DST: variants seen among roughly 807,000 people sequenced by gnomAD.
DST encodes the protein dystonin.
A neutral mutation model predicts 875.2 loss-of-function variants in DST; 253 were observed. The ratio of observed to expected loss-of-function variants is 0.29; its 90% confidence interval spans 0.26 to 0.32. The LOEUF (loss-of-function observed/expected upper bound fraction) is 0.32, where lower values mean the gene tolerates loss of function less well. DST is among the 10% of genes least tolerant of loss of function. The pLI is 1.00. For synonymous variants in DST, 3,124 were observed against 3,197.1 expected, an observed-to-expected ratio of 0.98 and a Z score of 0.77; for missense variants, 8,287 against 9,111.6, an observed-to-expected ratio of 0.91 and a Z score of 3.68.
In DST at chr6:56,607,168, T is replaced by C. The variant is rs1166404489; in HGVS notation, c.7460A>G (p.Gln2487Arg). The change falls in exon 40 of 104, where the codon CAA (glutamine) becomes CGA (arginine). Residue 2487 changes from glutamine (Q) to arginine (R), a missense_variant. Gln to Arg is a conservative substitution (Grantham distance 43). This residue lies in a region of DST where 3,138 missense variants were observed against 3,116.6 expected (regional missense o/e 1.01). Coordinates refer to ENST00000680361, the MANE Select transcript of DST (RefSeq NM_001374736.1). Reference protein sequence around the residue: ...LSGQRIGEKFQDQFLGIAAIN... With the variant: ...LSGQRIGEKFRDQFLGIAAIN... Reference sequence around the variant, plus strand: ...AGCTGCAATTCCCAGAAACTGGTCTTGAAATTTTTCTCCTATTCTTTGACC... The same window carrying C: ...AGCTGCAATTCCCAGAAACTGGTCTCGAAATTTTTCTCCTATTCTTTGACC... The C allele has an allele frequency of 2.5e-6, 4 of 1,613,438 alleles. No individual in the cohort carries two copies. Among genetic ancestry groups the C allele is most frequent in the Non-Finnish European group, 3.4e-6 (4 of 1,179,606 alleles).
intron 34 of DST, among the ~76,000 whole-genome samples, 186 bp from the exon 35 acceptor site, chr6:56,625,450 A>C (rs1385198967): frequency 1.3e-5 from 2 of 152,208 alleles, no homozygotes; most frequent in South Asian, 4.1e-4. Flanking sequence ...CGTGTTTCAC[A>C]TGAAACATTT....
chr6:56,811,176 C>A (rs917911054), intron 4 of DST, among the ~76,000 whole-genome samples: 1 of 134,262 alleles, frequency 7.4e-6, no homozygotes, highest in Non-Finnish European at 1.6e-5. Context: ...AGAGCAAGAC[C>A]CTGTCTCAAA....
chr6:56,626,761 A>G (rs533065076), intron 34 of DST, among the ~76,000 whole-genome samples: 1 of 152,236 alleles, frequency 6.6e-6, no homozygotes, highest in South Asian at 2.1e-4. Flanking sequence ...ATATGTAACA[A>G]TAGTGTAGCC....
chr6:56,611,060 G>A (rs953544173), intron 38 of DST, among the ~76,000 whole-genome samples: 1 of 152,130 alleles, frequency 6.6e-6, no homozygotes, highest in Non-Finnish European at 1.5e-5. Context: ...TTCCCTGAGT[G>A]AAACACTGAC....
chr6:56,485,503 C>A, intron 87 of DST, 32 bp from the exon 88 acceptor site: 2 of 1,594,486 alleles, frequency 1.3e-6, no homozygotes, highest in South Asian at 2.3e-5. Context: ...TTGATCCTTG[C>A]AACAAAAAAC....
intron 64 of DST, among the ~76,000 whole-genome samples, chr6:56,530,424 T>C (rs2096875998): frequency 6.6e-6 from 1 of 152,204 alleles, no homozygotes; most frequent in Non-Finnish European, 1.5e-5. Context: ...AGCAATGTTA[T>C]AATAATAACA....
chr6:56,659,371 G>C (rs1424235424), intron 10 of DST, among the ~76,000 whole-genome samples: 1 of 152,162 alleles, frequency 6.6e-6, no homozygotes, highest in African/African-American at 2.4e-5. Flanking sequence ...TGTGAAAGAG[G>C]CCAAGTTTAC....
chr6:56,860,425 G>A (rs1770436363), intron 3 of DST, among the ~76,000 whole-genome samples: 1 of 152,186 alleles, frequency 6.6e-6, no homozygotes, highest in Non-Finnish European at 1.5e-5. Context: ...AACAAAAATA[G>A]ATAGTTCCAT....
intron 10 of DST, among the ~76,000 whole-genome samples, chr6:56,652,536 T>A (rs2098982435): frequency 1.3e-5 from 2 of 152,092 alleles, no homozygotes; most frequent in African/African-American, 4.8e-5. Flanking sequence ...GTGGGAGAAA[T>A]GAAATGCAGA....
chr6:56,631,143 T>G, intron 30 of DST, 68 bp downstream of exon 30: 2 of 692,738 alleles, frequency 2.9e-6, no homozygotes, highest in Non-Finnish European at 2.1e-6. Flanking sequence ...AATAAAATTT[T>G]AAATTAATAG....
At chr6:56,481,877 G>A (rs1413016102) in intron 90 of DST, among the ~76,000 whole-genome samples, 173 bp downstream of exon 90, 1 of 152,124 alleles carries the variant, frequency 6.6e-6, no homozygotes, top group Non-Finnish European at 1.5e-5. Context: ...GTGGGTGCAT[G>A]GGGACATACA....
At chr6:56,824,898 CCAGCCGCCCCGTCCGGG>C (rs1265129059) in intron 4 of DST, among the ~76,000 whole-genome samples, 2 of 150,852 alleles carry the variant, frequency 1.3e-5, no homozygotes, top group Non-Finnish European at 3.0e-5. Flanking sequence ...CCCCGCCCGG[CCAGCCGCCCCGTCCGGG>C]AGGTGAGGGG....
chr6:56,819,939 A>G lies in DST; in HGVS notation c.625+31458T>C, dbSNP rs137869812. On this transcript the variant is annotated intron_variant, in intron 4 of 103. Coordinates refer to ENST00000680361, the MANE Select transcript of DST (RefSeq NM_001374736.1). ...AACATTTCGTCATAAATAAAACTCA[A>G]ATAAAATCCAAACAATTATTGAAAC... 1.1e-4 allele frequency among the ~76,000 whole-genome samples: 17 copies of G among 152,360 alleles called. No homozygotes were observed. The East Asian group carries it at 3.3e-3, about 29-fold the overall frequency.
chr6:56,796,597 A>G (rs1017864457), intron 4 of DST, among the ~76,000 whole-genome samples: 1 of 152,220 alleles, frequency 6.6e-6, no homozygotes, highest in African/African-American at 2.4e-5. Context: ...GCTTGTCTCT[A>G]GGATGCAGGC....
intron 2 of DST, among the ~76,000 whole-genome samples, chr6:56,904,320 T>C (rs979576020): frequency 6.6e-6 from 1 of 152,196 alleles, no homozygotes; most frequent in African/African-American, 2.4e-5. Context: ...TGAGTCAAAC[T>C]ACCTGGGTTC....
In DST at chr6:56,545,562, T is replaced by G. The variant is rs757044175; in HGVS notation, c.16608+6622A>C. Among the ~76,000 whole-genome samples the G allele has an allele frequency of 2.6e-5, 4 of 152,076 alleles. No homozygotes were observed. In the South Asian group the frequency reaches 6.2e-4, roughly 24 times the overall value. On this transcript the variant is annotated intron_variant, in intron 61 of 103. Transcript: ENST00000680361. ...CTCATTTTATATTCCTAAAGTTTAA[T>G]TAAATCTTTTAAAAGGAAAGTCCCT... is the stretch of plus-strand genomic sequence containing the variant.
In DST at chr6:56,517,043, A is replaced by C. The variant is rs182229434; in HGVS notation, c.18357+155T>G. ...CTTAAGAAATATTCCTTTCACTGTT[A>C]TTCTATAAACTTGAAAAATGCCTTA... is the stretch of plus-strand genomic sequence containing the variant. On this transcript the variant is annotated intron_variant, in intron 71 of 103. Coordinates refer to ENST00000680361, the MANE Select transcript of DST (RefSeq NM_001374736.1). Among the ~76,000 whole-genome samples, 169 of 152,276 alleles carry C rather than the reference A, an allele frequency of 1.1e-3. 1 individual carries two copies. Among genetic ancestry groups the C allele is most frequent in the Non-Finnish European group, 2.0e-3 (138 of 68,008 alleles).
intron 9 of DST, among the ~76,000 whole-genome samples, chr6:56,694,249 G>A (rs929415246): frequency 1.3e-5 from 2 of 150,162 alleles, no homozygotes; most frequent in Non-Finnish European, 3.0e-5. Flanking sequence ...AGCATGAAAT[G>A]GATTTACACA....
chr6:56,546,196 A>C (rs1213695723), intron 61 of DST, among the ~76,000 whole-genome samples: 1 of 151,442 alleles, frequency 6.6e-6, no homozygotes, highest in Non-Finnish European at 1.5e-5. Context: ...TTTAATGAGC[A>C]CTTGCTCTTC....
Sources: gnomAD v4.1 joint callset for allele counts (sites outside exome capture counted in the v4.1 genomes callset) on GRCh38, gnomAD v4.1.1 for gene constraint, gnomAD v4.1.1 regional missense constraint, MANE v1.5 for transcripts, NCBI Gene and HGNC (gene_info 2026-07-23, HGNC 2026-07-21) for gene names.